The following ANOS1 variants were observed in gnomAD, a reference collection of about 807,000 sequenced individuals.
ANOS1 encodes anosmin-1.
ANOS1 carries 6 observed loss-of-function variants against 59.0 expected under a neutral mutation model. That is an observed-to-expected ratio of 0.10 (90% CI 0.06 to 0.20). The LOEUF (loss-of-function observed/expected upper bound fraction) is 0.20, where lower values mean the gene tolerates loss of function less well. ANOS1 is among the 10% of genes least tolerant of loss of function. ANOS1 has a pLI of 1.00. For synonymous variants in ANOS1, 217 were observed against 223.4 expected (o/e 0.97, Z 0.25); for missense variants, 433 against 542.3 (o/e 0.80, Z 2.00).
chrX:8,725,291 C>G (rs975978203), intron 1 of ANOS1, among the ~76,000 whole-genome samples: 5 of 110,372 alleles, frequency 4.5e-5, no homozygotes, highest in African/African-American at 1.6e-4. Context: ...GCAGTACCCC[C>G]TAACACTTTC....
chrX:8,675,789 C>T (rs1025652890), intron 2 of ANOS1, among the ~76,000 whole-genome samples: 1 of 108,248 alleles, frequency 9.2e-6, no homozygotes, highest in Non-Finnish European at 1.9e-5. Context: ...ATTTGCTGAA[C>T]GTATCGACCC....
chrX:8,587,899 T>A lies in ANOS1; in HGVS notation c.621A>T (p.Lys207Asn), dbSNP rs149536078. Residue 207 changes from lysine (K) to asparagine (N), a missense_variant, in exon 5 of 14, where the codon AAA (lysine) becomes AAT (asparagine). Coordinates refer to ENST00000262648, the MANE Select transcript of ANOS1 (RefSeq NM_000216.4). ...TCACAGGCTCAATAGAAATATTGAATTTCGAGGACCACTTAACCTCCAGCT... is the reference window on the plus strand; with the variant it reads ...TCACAGGCTCAATAGAAATATTGAAATTCGAGGACCACTTAACCTCCAGCT... ...SGQLEVKWSSKFNISIEPVIY... is the reference protein window; with the variant it reads ...SGQLEVKWSSNFNISIEPVIY... 8.3e-7 allele frequency: 1 copy of A among 1,207,068 alleles called. No homozygotes were observed. Among genetic ancestry groups the A allele is most frequent in the Admixed American group, 2.2e-5 (1 of 45,890 alleles).
intron 1 of ANOS1, among the ~76,000 whole-genome samples, chrX:8,711,691 G>T (rs1354187554): frequency 8.9e-6 from 1 of 112,453 alleles, no homozygotes; most frequent in Non-Finnish European, 1.9e-5. Flanking sequence ...CCACCTGGAG[G>T]TTGATTAATC....
At chrX:8,725,072 T>C (rs1354939018) in intron 1 of ANOS1, among the ~76,000 whole-genome samples, 2 of 111,969 alleles carry the variant, frequency 1.8e-5, no homozygotes, top group East Asian at 5.6e-4. Context: ...AATTATGTTA[T>C]TCTATACTTT....
intron 2 of ANOS1, among the ~76,000 whole-genome samples, chrX:8,658,353 G>C (rs986274253): frequency 1.8e-5 from 2 of 111,527 alleles, no homozygotes; most frequent in South Asian, 3.8e-4. Flanking sequence ...TTTGTCCCAG[G>C]GTTATGGGTC....
At chrX:8,576,467 T>TACACAC (rs772802620) in intron 6 of ANOS1, among the ~76,000 whole-genome samples, 141 of 100,055 alleles carry the variant, frequency 1.4e-3, no homozygotes, top group African/African-American at 4.9e-3. Flanking sequence ...TATATATATA[T>TACACAC]ACACACACAC....
intron 3 of ANOS1, among the ~76,000 whole-genome samples, chrX:8,604,546 A>C (rs1483693676): frequency 8.9e-6 from 1 of 112,301 alleles, no homozygotes; most frequent in Non-Finnish European, 1.9e-5. Flanking sequence ...TTTCTTTAGC[A>C]AACAAATTTT....
At chrX:8,674,071 A>G (rs1242194093) in intron 2 of ANOS1, among the ~76,000 whole-genome samples, 1 of 112,054 alleles carries the variant, frequency 8.9e-6, no homozygotes, top group African/African-American at 3.2e-5. Context: ...AGCTCCCAAG[A>G]AGGGCCTTAT....
chrX:8,688,521 A>G (rs779017785), intron 2 of ANOS1, among the ~76,000 whole-genome samples: 1 of 112,421 alleles, frequency 8.9e-6, no homozygotes, highest in Non-Finnish European at 1.9e-5. Flanking sequence ...ACCAAATAAG[A>G]GATTTCGTTT....
At chrX:8,651,957 T>C (rs1602004719) in intron 2 of ANOS1, among the ~76,000 whole-genome samples, 1 of 111,747 alleles carries the variant, frequency 8.9e-6, no homozygotes, top group African/African-American at 3.3e-5. Context: ...GTTTTGTTTC[T>C]GTTTTTTGAC....
chrX:8,633,175 A>T (rs969356785), intron 2 of ANOS1, among the ~76,000 whole-genome samples: 1 of 111,542 alleles, frequency 9.0e-6, no homozygotes, highest in Non-Finnish European at 1.9e-5. Context: ...GCACAACCAC[A>T]ACAGCATCAG....
At chrX:8,562,575 C>T (rs1460620614) in intron 8 of ANOS1, among the ~76,000 whole-genome samples, 2 of 111,908 alleles carry the variant, frequency 1.8e-5, no homozygotes, top group African/African-American at 3.2e-5. Context: ...TTCAAAGATC[C>T]AAGTTTTGAT....
In ANOS1 at chrX:8,698,027, C is replaced by A. The variant is rs571726568; in HGVS notation, c.255+1671G>T. Among the ~76,000 whole-genome samples, 72 of 112,274 alleles carry A rather than the reference C, an allele frequency of 6.4e-4. 2 individuals are homozygous for A. In the South Asian group the frequency reaches 0.026, roughly 41 times the overall value. Reference sequence around the variant, plus strand: ...CAGTCATGCTAACATCCAAAGGAGTCAAACTCTGATTAATAAGCAAGATTC... The same window carrying A: ...CAGTCATGCTAACATCCAAAGGAGTAAAACTCTGATTAATAAGCAAGATTC... On this transcript the variant is annotated intron_variant, in intron 2 of 13. Coordinates refer to ENST00000262648, the MANE Select transcript of ANOS1 (RefSeq NM_000216.4).
At chrX:8,620,363 T>C (rs1931268309) in intron 3 of ANOS1, among the ~76,000 whole-genome samples, 2 of 112,145 alleles carry the variant, frequency 1.8e-5, no homozygotes, top group Admixed American at 1.9e-4. Context: ...CAGACTGCCC[T>C]GCAGGTAAAC....
chrX:8,686,909 G>A (rs1028703007), intron 2 of ANOS1, among the ~76,000 whole-genome samples: 7 of 111,560 alleles, frequency 6.3e-5, no homozygotes, highest in African/African-American at 1.6e-4. Context: ...AGCCAACATC[G>A]CGCCACTGCA....
chrX:8,535,942 A>G (rs1304129835), intron 11 of ANOS1, 131 bp from the exon 12 acceptor site: 1 of 545,912 alleles, frequency 1.8e-6, no homozygotes. Flanking sequence ...CTTGTTCTTT[A>G]AACATGGGTT....
intron 1 of ANOS1, among the ~76,000 whole-genome samples, chrX:8,726,128 T>C (rs1932918332): frequency 9.0e-6 from 1 of 110,961 alleles, no homozygotes; most frequent in Non-Finnish European, 1.9e-5. Flanking sequence ...ACAAAATCCA[T>C]TCCTCTGAAA....
chrX:8,602,641 A>C (rs1930864601), intron 3 of ANOS1, among the ~76,000 whole-genome samples: 1 of 111,712 alleles, frequency 9.0e-6, no homozygotes, highest in Non-Finnish European at 1.9e-5. Context: ...GCAAATTGTT[A>C]ACTGTAAATT....
At chrX:8,602,925 G>A (rs1192757237) in intron 3 of ANOS1, among the ~76,000 whole-genome samples, 1 of 110,720 alleles carries the variant, frequency 9.0e-6, no homozygotes, top group Admixed American at 9.6e-5. Context: ...TTTTAGTAGA[G>A]ATGGGGTTTC....
Sources: gnomAD v4.1 joint callset for allele counts (sites outside exome capture counted in the v4.1 genomes callset) on GRCh38, gnomAD v4.1.1 for gene constraint, MANE v1.5 for transcripts, NCBI Gene and HGNC (gene_info 2026-07-23, HGNC 2026-07-21) for gene names.